The following FOXP2 variants were observed in gnomAD, a reference collection of about 807,000 sequenced individuals.
FOXP2 encodes forkhead box P2, also known as forkhead box protein P2.
A neutral mutation model predicts 115.8 loss-of-function variants in FOXP2; 12 were observed. The ratio of observed to expected loss-of-function variants is 0.10; its 90% CI spans 0.07 to 0.17. FOXP2 has a LOEUF of 0.17. Among genes scored for constraint, FOXP2 ranks in the 10% least tolerant of loss-of-function variants. The pLI is 1.00. For missense variants in FOXP2, 629 were observed against 843.5 expected (o/e 0.75, Z 3.15); for synonymous variants, 328 against 297.7 (o/e 1.10, Z -1.05).
At chr7:114,284,164 T>C (rs12112572) in intron 1 of FOXP2, among the ~76,000 whole-genome samples, 6,242 of 152,190 alleles carry the variant, frequency 0.041, 312 homozygotes, top group African/African-American at 0.12. Context: ...GAAAAGGGAA[T>C]GTTTCTATAC....
chr7:114,189,604 A>G (rs1264031263), intron 1 of FOXP2, among the ~76,000 whole-genome samples: 12 of 152,186 alleles, frequency 7.9e-5, no homozygotes, highest in Admixed American at 7.9e-4. Flanking sequence ...ACAAGTGATC[A>G]TCTTATCCTG....
At chr7:114,683,913 C>CA (rs1808222801) in intron 16 of FOXP2, among the ~76,000 whole-genome samples, 1 of 10,118 alleles carries the variant, frequency 9.9e-5, no homozygotes, top group Admixed American at 1.6e-3. Context: ...CCTCTTTCAA[C>CA]CCCGTGTCTC....
At chr7:114,293,823 A>C (rs80102369) in intron 2 of FOXP2, among the ~76,000 whole-genome samples, 13,085 of 152,196 alleles carry the variant, frequency 0.086, 1,293 homozygotes, top group African/African-American at 0.25. Flanking sequence ...AAACCTGTTT[A>C]CTTTATAAAT....
At chr7:114,170,979 T>C (rs1001307962) in intron 1 of FOXP2, among the ~76,000 whole-genome samples, 2 of 152,214 alleles carry the variant, frequency 1.3e-5, no homozygotes, top group Non-Finnish European at 2.9e-5. Flanking sequence ...CTAGGAATTT[T>C]CTAGCTAGAG....
chr7:114,184,971 G>A (rs1227375212), intron 1 of FOXP2, among the ~76,000 whole-genome samples: 1 of 152,118 alleles, frequency 6.6e-6, no homozygotes, highest in Non-Finnish European at 1.5e-5. Context: ...TCTGTTGACT[G>A]TCCTATGTTA....
chr7:114,674,195 C>CT (rs1477761898), intron 16 of FOXP2, among the ~76,000 whole-genome samples: 1 of 151,982 alleles, frequency 6.6e-6, no homozygotes, highest in East Asian at 1.9e-4. Context: ...AGAAAATAGA[C>CT]TAAGGGAGGA....
At chr7:114,592,527 A>G (rs879914787) in intron 3 of FOXP2, among the ~76,000 whole-genome samples, 3 of 151,888 alleles carry the variant, frequency 2.0e-5, no homozygotes, top group Admixed American at 2.0e-4. Context: ...TGAACCTATC[A>G]TGTTCTATTT....
At chr7:114,257,606 A>C (rs774486923) in intron 1 of FOXP2, among the ~76,000 whole-genome samples, 2 of 151,528 alleles carry the variant, frequency 1.3e-5, no homozygotes, top group Non-Finnish European at 2.9e-5. Flanking sequence ...CGAGCCTGCC[A>C]CCATGCCCGG....
intron 8 of FOXP2, 86 bp downstream of exon 8, chr7:114,644,875 G>A: frequency 9.3e-7 from 1 of 1,071,118 alleles, no homozygotes; most frequent in Non-Finnish European, 1.4e-6. Context: ...AAAAGATGAA[G>A]GAGGAATGTA....
chr7:114,191,674 A>G (rs1355598133), intron 1 of FOXP2, among the ~76,000 whole-genome samples: 1 of 152,156 alleles, frequency 6.6e-6, no homozygotes, highest in Admixed American at 6.6e-5. Flanking sequence ...CAGAGTTTCC[A>G]TTATTCCTTT....
rs60674425 is a variant in FOXP2 at position 114,645,129 on chromosome 7, AATATATATATATATATATATATATAT to A, written c.1094+365_1094+390del. ...TAATTAATATTATGTGAGTCATCCTAATATATATATATATATATATATATATATATATATATATATATATATATATT... is the reference window on the plus strand; with the variant it reads ...TAATTAATATTATGTGAGTCATCCTAATATATATATATATATATATATATT... On this transcript the variant is annotated intron_variant, in intron 8 of 16. Coordinates refer to ENST00000350908, the MANE Select transcript of FOXP2 (RefSeq NM_014491.4). The A allele has an allele frequency of 1.7e-3, 55 of 32,660 alleles. 1 individual carries two copies. Among genetic ancestry groups the A allele is most frequent in the Non-Finnish European group, 2.1e-3 (34 of 15,970 alleles). The allele number at this position is 32,660 out of a possible 1,614,324, so 2.0% of individuals were successfully genotyped here.
At chr7:114,570,876 T>C in intron 3 of FOXP2, 2 of 1,611,834 alleles carry the variant, frequency 1.2e-6, no homozygotes, top group Non-Finnish European at 1.7e-6. Flanking sequence ...TCACAACACA[T>C]TTGCAGTAAG....
intron 1 of FOXP2, among the ~76,000 whole-genome samples, chr7:114,244,319 A>G (rs1795224167): frequency 6.6e-6 from 1 of 152,146 alleles, no homozygotes; most frequent in African/African-American, 2.4e-5. Context: ...ACAGTTTGTT[A>G]CCTTTTGCCT....
intron 1 of FOXP2, among the ~76,000 whole-genome samples, chr7:114,165,090 T>C (rs527847642): frequency 6.6e-6 from 1 of 152,182 alleles, no homozygotes; most frequent in South Asian, 2.1e-4. Context: ...TAAATTGAGG[T>C]GGAGGTTCCA....
chr7:114,414,921 T>C lies in FOXP2; in HGVS notation c.-450T>C, dbSNP rs116017453. The stretch of plus-strand genomic sequence containing the variant: ...ACACACACTCACACACTCACACACA[T>C]GCACACACACACATACACACACACA... On this transcript the variant is annotated 5_prime_UTR_variant, in exon 1 of 17. An upstream start codon of the reference 5' UTR is lost. Coordinates refer to ENST00000350908, the MANE Select transcript of FOXP2 (RefSeq NM_014491.4). 0.012 allele frequency: 4,715 copies of C among 382,832 alleles called. 75 individuals carry two copies. The highest frequency in any genetic ancestry group is 0.048 in the African/African-American group (2,312 of 47,698). The allele number at this position is 382,832 out of a possible 1,614,324, so 23.7% of individuals were successfully genotyped here.
intron 2 of FOXP2, among the ~76,000 whole-genome samples, chr7:114,434,668 G>A (rs921016399): frequency 6.6e-6 from 1 of 151,834 alleles, no homozygotes; most frequent in Non-Finnish European, 1.5e-5. Flanking sequence ...CGAGCAGCCT[G>A]TTTCGTTAAG....
chr7:114,399,740 A>G (rs1792832754), intron 2 of FOXP2, among the ~76,000 whole-genome samples: 1 of 152,088 alleles, frequency 6.6e-6, no homozygotes, highest in Non-Finnish European at 1.5e-5. Flanking sequence ...AATAAATAAT[A>G]CTGTGTGTTA....
At chr7:114,594,581 A>G (rs1802603395) in intron 3 of FOXP2, among the ~76,000 whole-genome samples, 1 of 152,102 alleles carries the variant, frequency 6.6e-6, no homozygotes, top group Non-Finnish European at 1.5e-5. Flanking sequence ...AAAACAACAA[A>G]AAAATAGTAT....
At chr7:114,469,942 ATACT>A (rs2129229692) in intron 2 of FOXP2, among the ~76,000 whole-genome samples, 1 of 152,316 alleles carries the variant, frequency 6.6e-6, no homozygotes, top group South Asian at 2.1e-4. Context: ...TTATCACATC[ATACT>A]TACGATAGTC....
Sources: gnomAD v4.1 joint callset for allele counts (sites outside exome capture counted in the v4.1 genomes callset) on GRCh38, gnomAD v4.1.1 for gene constraint, MANE v1.5 for transcripts, NCBI Gene and HGNC (gene_info 2026-07-23, HGNC 2026-07-21) for gene names.